Variants in TRAF3 observed in about 807,000 individuals in gnomAD.
TRAF3 encodes TNF receptor-associated factor 3.
In TRAF3, 13 loss-of-function variants were observed where a neutral mutation model predicts 62.3. That is an observed-to-expected ratio of 0.21 (90% CI 0.14 to 0.33). The LOEUF is 0.33. TRAF3 is among the 10% of genes least tolerant of loss of function. The probability of loss-of-function intolerance (pLI) is 1.00; values close to 1 mark genes in which losing one functional copy is unlikely to be tolerated. For synonymous variants in TRAF3, 269 were observed against 283.4 expected (o/e 0.95, Z 0.51); for missense variants, 440 against 741.8 (o/e 0.59, Z 4.73).
intron 5 of TRAF3, 42 bp from the exon 6 acceptor site, chr14:102,876,316 G>T: frequency 6.2e-7 from 1 of 1,609,088 alleles, no homozygotes. Context: ...CAGATTTAGG[G>T]TTTTTTTCCC....
chr14:102,818,844 C>A (rs1307789573), intron 1 of TRAF3, among the ~76,000 whole-genome samples: 2 of 152,062 alleles, frequency 1.3e-5, no homozygotes, highest in Non-Finnish European at 2.9e-5. Flanking sequence ...AGAAAAGGAA[C>A]TTGGTGAGGT....
chr14:102,780,939 A>T (rs1386184032), intron 1 of TRAF3, among the ~76,000 whole-genome samples: 2 of 152,160 alleles, frequency 1.3e-5, no homozygotes, highest in Non-Finnish European at 2.9e-5. Context: ...GAAAAATGCA[A>T]ATCTACCATC....
intron 9 of TRAF3, among the ~76,000 whole-genome samples, chr14:102,892,828 C>T (rs1056498199): frequency 2.0e-5 from 3 of 152,300 alleles, no homozygotes; most frequent in South Asian, 2.1e-4. Context: ...GCAGGAGGAT[C>T]GGCATCCTGT....
intron 2 of TRAF3, among the ~76,000 whole-genome samples, chr14:102,853,993 A>G (rs954329195): frequency 3.3e-5 from 5 of 152,196 alleles, no homozygotes; most frequent in Non-Finnish European, 4.4e-5. Flanking sequence ...TTCTGTATCT[A>G]TGAATTTGCC....
At chr14:102,788,603 T>C (rs1185048537) in intron 1 of TRAF3, among the ~76,000 whole-genome samples, 1 of 152,100 alleles carries the variant, frequency 6.6e-6, no homozygotes, top group African/African-American at 2.4e-5. Flanking sequence ...ATCAAGACCA[T>C]CCTGGCCAAC....
chr14:102,811,913 C>CCTT (rs1381571409), intron 1 of TRAF3, among the ~76,000 whole-genome samples: 3 of 47,076 alleles, frequency 6.4e-5, no homozygotes, highest in African/African-American at 8.2e-5. Context: ...ATGCCTGGCC[C>CCTT]TTTTTTTTTT....
intron 1 of TRAF3, among the ~76,000 whole-genome samples, chr14:102,816,479 TTAA>T (rs1318145441): frequency 1.3e-5 from 2 of 152,232 alleles, no homozygotes; most frequent in Non-Finnish European, 2.9e-5. Context: ...AAATATCCTG[TTAA>T]TAATTTTTGA....
intron 2 of TRAF3, among the ~76,000 whole-genome samples, chr14:102,853,195 C>T (rs1176821626): frequency 6.6e-6 from 1 of 152,118 alleles, no homozygotes; most frequent in Non-Finnish European, 1.5e-5. Flanking sequence ...GCCATTGCAC[C>T]TGGCCTTTAT....
chr14:102,879,824 A>C (rs1036362295), intron 6 of TRAF3, among the ~76,000 whole-genome samples: 2 of 152,098 alleles, frequency 1.3e-5, no homozygotes, highest in Non-Finnish European at 2.9e-5. Flanking sequence ...CCAGTTATTA[A>C]GAACTCTTGA....
At chr14:102,891,218 G>T in intron 8 of TRAF3, 107 bp from the exon 9 acceptor site, 1 of 1,043,416 alleles carries the variant, frequency 9.6e-7, no homozygotes, top group Non-Finnish European at 1.4e-6. Flanking sequence ...ACGCAAATAG[G>T]TCTCCCCTCT....
chr14:102,790,056 G>C (rs1897714589), intron 1 of TRAF3, among the ~76,000 whole-genome samples: 1 of 152,112 alleles, frequency 6.6e-6, no homozygotes. Context: ...TAGAACCCCT[G>C]GCCTCAAGTG....
rs201380486 is a variant in TRAF3, at chr14:102,854,856, A to AGG, written c.-17-15329_-17-15328insGG. Reference sequence around the variant, plus strand: ...TAAAATAAATTGTGGTGAGATACACATAACATTAGCCATTTAAAAGTGAAT... The same window carrying AGG: ...TAAAATAAATTGTGGTGAGATACACAGGTAACATTAGCCATTTAAAAGTGAAT... On this transcript the variant is annotated intron_variant, in intron 2 of 11. Coordinates refer to ENST00000392745, the MANE Select transcript of TRAF3 (RefSeq NM_145725.3). Among the ~76,000 whole-genome samples, 878 of 151,028 alleles carry AGG rather than the reference A, an allele frequency of 5.8e-3. 8 individuals are homozygous for AGG. The highest frequency in any genetic ancestry group is 0.021 in the African/African-American group (847 of 41,040).
intron 9 of TRAF3, among the ~76,000 whole-genome samples, chr14:102,895,605 G>T (rs962809239): frequency 6.6e-6 from 1 of 152,158 alleles, no homozygotes; most frequent in African/African-American, 2.4e-5. Context: ...GGGTCTTCTG[G>T]GGTGGAGACC....
At chr14:102,897,991 A>G (rs1458804940) in intron 10 of TRAF3, among the ~76,000 whole-genome samples, 1 of 152,246 alleles carries the variant, frequency 6.6e-6, no homozygotes, top group Non-Finnish European at 1.5e-5. Context: ...TTGTTAATAG[A>G]TGATCATTGT....
At position 102,905,449 on chromosome 14, in the gene TRAF3, G is replaced by C; in HGVS notation, c.1372G>C (p.Val458Leu). 1 of 1,614,266 alleles carries C rather than the reference G, an allele frequency of 6.2e-7. No homozygotes were observed. The highest frequency in any genetic ancestry group is 8.5e-7 in the Non-Finnish European group (1 of 1,180,038). Residue 458 changes from valine (V) to leucine (L), a missense_variant, in exon 12 of 12, where the codon GTC (valine) becomes CTC (leucine). Physicochemically the swap from Val to Leu is conservative, Grantham distance 32. Coordinates refer to ENST00000392745, the MANE Select transcript of TRAF3 (RefSeq NM_145725.3). ...CTTTGGCTATAAGATGTGTGCCAGG[G>C]TCTACCTGAACGGGGACGGGATGGG... Reference protein sequence around the residue: ...GYFGYKMCARVYLNGDGMGKG... With the variant: ...GYFGYKMCARLYLNGDGMGKG...
rs1890812876 is a variant in TRAF3 at position 102,910,525 on chromosome 14, G to A, written c.*4741G>A. 1 of 152,344 alleles carries A rather than the reference G, an allele frequency of 6.6e-6. No homozygotes were observed. The highest frequency in any genetic ancestry group is 6.5e-5 in the Admixed American group (1 of 15,290). 9.4% of individuals were successfully genotyped at this position (152,344 alleles called of 1,614,324 possible). On this transcript the variant is annotated 3_prime_UTR_variant, in exon 12 of 12. Transcript: ENST00000392745. ...TCATTATTGCTGCCTCGTCCAGGCT[G>A]ATGCTGATGGTCACAGGCACGGTGG...
intron 1 of TRAF3, among the ~76,000 whole-genome samples, chr14:102,815,273 A>G (rs1449672016): frequency 6.6e-6 from 1 of 152,152 alleles, no homozygotes; most frequent in Non-Finnish European, 1.5e-5. Context: ...GCCTAATCCA[A>G]GGTCGTGAAG....
At chr14:102,846,003 A>C (rs28522176) in intron 2 of TRAF3, among the ~76,000 whole-genome samples, 1 of 147,464 alleles carries the variant, frequency 6.8e-6, no homozygotes, top group East Asian at 2.0e-4. Context: ...AAAAAAAAAA[A>C]AAAAAATACT....
At chr14:102,887,158 G>A (rs370169248) in intron 7 of TRAF3, among the ~76,000 whole-genome samples, 2 of 152,360 alleles carry the variant, frequency 1.3e-5, no homozygotes, top group African/African-American at 4.8e-5. Context: ...TTCTGCATCT[G>A]TCCTGACGGG....
Sources: gnomAD v4.1 joint callset for allele counts (sites outside exome capture counted in the v4.1 genomes callset) on GRCh38, gnomAD v4.1.1 for gene constraint, MANE v1.5 for transcripts, NCBI Gene and HGNC (gene_info 2026-07-23, HGNC 2026-07-21) for gene names.